Variants in CTNNA2 observed in about 807,000 individuals in gnomAD.
CTNNA2 encodes the protein catenin alpha-2.
Under a neutral mutation model 101.0 loss-of-function variants are expected in CTNNA2, and 42 were observed. The observed-to-expected ratio is 0.42, with a 90% CI of 0.32 to 0.54. CTNNA2 has a LOEUF of 0.54. Ranked by LOEUF, CTNNA2 falls within the 20% of genes least tolerant of loss-of-function variation. The pLI is 0.14. For synonymous variants in CTNNA2, 450 were observed against 456.4 expected, an observed-to-expected ratio of 0.99 and a Z score of 0.18; for missense variants, 871 against 1,223.1, an observed-to-expected ratio of 0.71 and a Z score of 4.29.
chr2:79,986,950 A>G (rs1691808064), intron 7 of CTNNA2, among the ~76,000 whole-genome samples: 1 of 152,204 alleles, frequency 6.6e-6, no homozygotes, highest in African/African-American at 2.4e-5. Context: ...AGTGAACATA[A>G]AAAGGAAACA....
chr2:79,974,783 A>G (rs187517254), intron 7 of CTNNA2, among the ~76,000 whole-genome samples: 30 of 152,186 alleles, frequency 2.0e-4, no homozygotes, highest in African/African-American at 6.5e-4. Context: ...AAAACATGCA[A>G]TGTTATAAAG....
chr2:80,236,758 T>C (rs1709571551), intron 7 of CTNNA2, among the ~76,000 whole-genome samples: 1 of 152,186 alleles, frequency 6.6e-6, no homozygotes, highest in African/African-American at 2.4e-5. Context: ...CTAGGATAAG[T>C]GAAATAGTTT....
intron 3 of CTNNA2, among the ~76,000 whole-genome samples, chr2:79,352,614 T>C (rs1677416593): frequency 6.6e-6 from 1 of 152,198 alleles, no homozygotes; most frequent in Non-Finnish European, 1.5e-5. Flanking sequence ...GATTATTTCA[T>C]ACCTTCTACT....
chr2:80,220,425 A>C (rs936373261), intron 7 of CTNNA2, among the ~76,000 whole-genome samples: 1 of 152,242 alleles, frequency 6.6e-6, no homozygotes, highest in Admixed American at 6.5e-5. Flanking sequence ...TAGTTTTTGC[A>C]TTTTTTAAAT....
intron 4 of CTNNA2, among the ~76,000 whole-genome samples, chr2:79,452,312 C>T (rs184479505): frequency 6.6e-6 from 1 of 152,002 alleles, no homozygotes; most frequent in Admixed American, 6.6e-5. Context: ...GAGAATCCTT[C>T]ATACCTCAAC....
chr2:79,921,564 C>T lies in CTNNA2; in HGVS notation c.1056+11767C>T, dbSNP rs140718376. Among the ~76,000 whole-genome samples, 53 of 152,318 alleles carry T rather than the reference C, an allele frequency of 3.5e-4. 2 individuals are homozygous for T. In the East Asian group the frequency reaches 9.5e-3, roughly 27 times the overall value. On this transcript the variant is annotated intron_variant, in intron 7 of 18. Coordinates refer to ENST00000402739, the MANE Select transcript of CTNNA2 (RefSeq NM_001282597.3). Reference sequence around the variant, plus strand: ...ACTTTCACCTCACCACTCTCAAACACACCTCATCCTACTCATCTACTTTTC... The same window carrying T: ...ACTTTCACCTCACCACTCTCAAACATACCTCATCCTACTCATCTACTTTTC...
At chr2:79,758,169 A>G (rs1262401932) in intron 3 of CTNNA2, among the ~76,000 whole-genome samples, 1 of 152,214 alleles carries the variant, frequency 6.6e-6, no homozygotes, top group African/African-American at 2.4e-5. Context: ...ACTCTACGTT[A>G]ACACATAAAG....
chr2:80,148,452 G>T (rs1349650454), intron 7 of CTNNA2, among the ~76,000 whole-genome samples: 1 of 152,224 alleles, frequency 6.6e-6, no homozygotes, highest in African/African-American at 2.4e-5. Flanking sequence ...GCAAATAGCT[G>T]CCTAAAGGCC....
chr2:80,556,361 C>G (rs536073224), intron 12 of CTNNA2, among the ~76,000 whole-genome samples: 1 of 152,262 alleles, frequency 6.6e-6, no homozygotes, highest in South Asian at 2.1e-4. Context: ...AACTCTGAAC[C>G]AGCCAGTGGA....
rs181754296 is a variant in CTNNA2 at position 80,481,350 on chromosome 2, G to A, written c.1290+61749G>A. On this transcript the variant is annotated intron_variant, in intron 9 of 18. Coordinates refer to ENST00000402739, the MANE Select transcript of CTNNA2 (RefSeq NM_001282597.3). ...TTAACACCCCATTCCCAAGTTCCTC[G>A]TTTGTAAAATGGTGATAATAATAGT... Among the ~76,000 whole-genome samples, 915 of 152,084 alleles carry A rather than the reference G, an allele frequency of 6.0e-3. 33 individuals carry two copies. Among genetic ancestry groups the A allele is most frequent in the Admixed American group, 0.054 (823 of 15,244 alleles).
intron 7 of CTNNA2, among the ~76,000 whole-genome samples, chr2:80,043,097 C>CTTTCTTTCTT (rs1558755056): frequency 8.6e-4 from 21 of 24,298 alleles, no homozygotes; most frequent in South Asian, 5.4e-3. Context: ...CTTTCTTTCT[C>CTTTCTTTCTT]TCTCTCTCTC....
intron 2 of CTNNA2, among the ~76,000 whole-genome samples, chr2:79,255,224 T>C: frequency 6.6e-6 from 1 of 152,216 alleles, no homozygotes. Context: ...TTATTTCCTG[T>C]AATCAATGAA....
chr2:80,598,820 TAAC>T (rs1245585822), intron 15 of CTNNA2, among the ~76,000 whole-genome samples: 7 of 152,212 alleles, frequency 4.6e-5, no homozygotes, highest in Admixed American at 6.5e-5. Context: ...ATTCCTGACA[TAAC>T]AAACTTGTAG....
intron 18 of CTNNA2, among the ~76,000 whole-genome samples, chr2:80,641,248 T>G (rs1673448766): frequency 6.6e-6 from 1 of 152,198 alleles, no homozygotes. Flanking sequence ...TATTTTATTC[T>G]ATTTAGCTTA....
At chr2:80,306,450 TTCTCTCTCTC>T (rs765222009) in intron 7 of CTNNA2, among the ~76,000 whole-genome samples, 1 of 124,916 alleles carries the variant, frequency 8.0e-6, no homozygotes, top group Non-Finnish European at 1.8e-5. Flanking sequence ...CTTTCTTTCT[TTCTCTCTCTC>T]TCTTTCTTTC....
In CTNNA2 at chr2:80,648,633, T is replaced by G. The variant is rs555554469; in HGVS notation, c.*761T>G. ...ATTTGAACCATGATTTTGCTAGAAA[T>G]AGAAGGCCCAGTGGTGGAATATTAG... is the stretch of plus-strand genomic sequence containing the variant. On this transcript the variant is annotated 3_prime_UTR_variant, in exon 19 of 19. Transcript: ENST00000402739. The G allele has an allele frequency of 6.6e-6, 1 of 152,184 alleles. No homozygotes were observed. The highest frequency in any genetic ancestry group is 6.6e-5 in the Admixed American group (1 of 15,208). 9.4% of individuals were successfully genotyped at this position (152,184 alleles called of 1,614,324 possible). A position where few individuals can be genotyped will look rare whatever the true frequency, so the allele number is the denominator to read the frequency against.
At chr2:80,521,442 T>C (rs774591686) in intron 9 of CTNNA2, among the ~76,000 whole-genome samples, 15 of 152,312 alleles carry the variant, frequency 9.8e-5, no homozygotes, top group Admixed American at 4.6e-4. Context: ...TGTTACTTCA[T>C]GTGGCAAAGG....
At chr2:80,546,133 C>G (rs187425849) in intron 11 of CTNNA2, 70 bp downstream of exon 11, 49 of 1,557,992 alleles carry the variant, frequency 3.1e-5, no homozygotes, top group Non-Finnish European at 4.3e-5. Context: ...AGGAATGTCT[C>G]GCAAATGTCA....
chr2:79,883,050 T>C (rs182942355), intron 6 of CTNNA2, among the ~76,000 whole-genome samples: 151 of 152,274 alleles, frequency 9.9e-4, no homozygotes, highest in East Asian at 4.6e-3. Context: ...CCTGATACTT[T>C]GGTTGCGGTG....
Sources: gnomAD v4.1 joint callset for allele counts (sites outside exome capture counted in the v4.1 genomes callset) on GRCh38, gnomAD v4.1.1 for gene constraint, MANE v1.5 for transcripts, NCBI Gene and HGNC (gene_info 2026-07-23, HGNC 2026-07-21) for gene names.